AAGAB: variants seen among roughly 807,000 people sequenced by gnomAD.
AAGAB encodes the protein alpha- and gamma-adaptin-binding protein p34.
A neutral mutation model predicts 44.1 loss-of-function variants in AAGAB; 38 were observed. The observed-to-expected ratio is 0.86, with a 90% CI of 0.67 to 1.13. The LOEUF (loss-of-function observed/expected upper bound fraction) is 1.13, where lower values mean the gene tolerates loss of function less well. AAGAB is among the 50% of genes most tolerant of loss of function. The probability of loss-of-function intolerance (pLI) is 0.00; values close to 1 mark genes in which losing one functional copy is unlikely to be tolerated. For synonymous variants in AAGAB, 131 were observed against 131.8 expected, an observed-to-expected ratio of 0.99 and a Z score of 0.04; for missense variants, 450 against 373.8, an observed-to-expected ratio of 1.20 and a Z score of -1.68.
Position 67,206,556 on chromosome 15 carries a change from AAGG to A in AAGAB, c.715+2003_715+2005del, listed in dbSNP as rs1889739399. Among the ~76,000 whole-genome samples the A allele has an allele frequency of 1.3e-5, 2 of 152,106 alleles. 1 individual carries two copies. On this transcript the variant is annotated intron_variant, in intron 7 of 9. Transcript: ENST00000261880. ...TATTTATTACTTGGGATTCTTCTGGAAGGAGATGCTGTCCTTTCTTTCTCATTT... is the reference window on the plus strand; with the variant it reads ...TATTTATTACTTGGGATTCTTCTGGAAGATGCTGTCCTTTCTTTCTCATTT...
At chr15:67,236,575 AAAG>A in intron 2 of AAGAB, 52 bp downstream of exon 2, 1 of 1,602,382 alleles carries the variant, frequency 6.2e-7, no homozygotes, top group Non-Finnish European at 8.5e-7. Flanking sequence ...AATGGGAAAA[AAAG>A]AAGGCATGCA....
Position 67,239,599 on chromosome 15 carries a change from AT to A in AAGAB, c.74-2780del, listed in dbSNP as rs762549889. On this transcript the variant is annotated intron_variant, in intron 1 of 9. Transcript: ENST00000261880. ...GTTGATAGCTCAATTTACTTATCAG[AT>A]TTTTTTTTAACATTTTATGTCTAAT... Among the ~76,000 whole-genome samples, 631 of 151,606 alleles carry A rather than the reference AT, an allele frequency of 4.2e-3. 9 individuals carry two copies. The highest frequency in any genetic ancestry group is 0.013 in the East Asian group (65 of 5,166).
chr15:67,204,213 C>A, intron 7 of AAGAB, 65 bp from the exon 8 acceptor site: 1 of 1,158,428 alleles, frequency 8.6e-7, no homozygotes, highest in Admixed American at 2.0e-5. Context: ...TCAGAGAATC[C>A]TAAGGCAAAT....
intron 5 of AAGAB, among the ~76,000 whole-genome samples, chr15:67,224,792 A>G (rs936480808): frequency 2.6e-5 from 4 of 151,722 alleles, no homozygotes; most frequent in Non-Finnish European, 5.9e-5. Context: ...TGTTGGCCAG[A>G]CTGGTCTCAA....
rs761431289 is a variant in AAGAB, at chr15:67,249,254, C to T, written c.73+5305G>A. Among the ~76,000 whole-genome samples, 7 of 152,072 alleles carry T rather than the reference C, an allele frequency of 4.6e-5. No homozygotes were observed. In the East Asian group the frequency reaches 7.7e-4, roughly 17 times the overall value. ...TTCACTATGTTGGCCAGGCTGCTCTCGAACTCCTGACCTCAGGTGATCAGC... is the reference window on the plus strand; with the variant it reads ...TTCACTATGTTGGCCAGGCTGCTCTTGAACTCCTGACCTCAGGTGATCAGC... On this transcript the variant is annotated intron_variant, in intron 1 of 9. Coordinates refer to ENST00000261880, the MANE Select transcript of AAGAB (RefSeq NM_024666.5).
At chr15:67,222,240 G>GCGCGCACACACACA (rs1555417867) in intron 5 of AAGAB, among the ~76,000 whole-genome samples, 1 of 88,194 alleles carries the variant, frequency 1.1e-5, no homozygotes, top group South Asian at 4.6e-4. Context: ...ACGCGCGCGC[G>GCGCGCACACACACA]CGCACACACA....
Position 67,209,466 on chromosome 15 carries a change from G to A in AAGAB, c.614C>T (p.Pro205Leu), listed in dbSNP as rs752636792. The A allele has an allele frequency of 8.1e-6, 13 of 1,613,654 alleles. No homozygotes were observed. The highest frequency in any genetic ancestry group is 6.8e-6 in the Non-Finnish European group (8 of 1,179,610). ...HSIGSADPCH[P>L]EQPHLPAADS... is the part of the protein sequence containing the mutation. ...AGATCCAAGAAAAACCTTTACCTCT[G>A]GGTGACAGGGATCTGCTGACCCAAT... is the stretch of plus-strand genomic sequence containing the variant. The change falls in exon 6 of 10, where the codon CCA becomes CTA. Residue 205 changes from proline to leucine, a missense_variant. Pro to Leu is a moderately conservative substitution (Grantham distance 98, BLOSUM62 -3). Coordinates refer to ENST00000261880, the MANE Select transcript of AAGAB (RefSeq NM_024666.5).
chr15:67,228,443 T>G (rs1293288585), intron 5 of AAGAB, among the ~76,000 whole-genome samples: 1 of 152,204 alleles, frequency 6.6e-6, no homozygotes, highest in Non-Finnish European at 1.5e-5. Context: ...AATCTCCTTA[T>G]TGTGGCTATG....
chr15:67,204,091 TCTC>T lies in AAGAB; in HGVS notation c.770_772del (p.Gly257del), dbSNP rs760748779. On this transcript the variant is annotated inframe_deletion, in exon 8 of 10. Coordinates refer to ENST00000261880, the MANE Select transcript of AAGAB (RefSeq NM_024666.5). ...AAAGAGTCTTTCAAAATTCTCCACA[TCTC>T]CTCCTCCAGTGGTAAGACTGGCTAA... 1.2e-6 allele frequency: 2 copies of T among 1,612,638 alleles called. No individual in the cohort carries two copies. The highest frequency in any genetic ancestry group is 1.7e-6 in the Non-Finnish European group (2 of 1,178,834).
intron 8 of AAGAB, 104 bp downstream of exon 8, chr15:67,203,940 C>G (rs1963626321): frequency 1.3e-6 from 1 of 745,526 alleles, no homozygotes; most frequent in Non-Finnish European, 2.2e-6. Flanking sequence ...ACAGCTGAGA[C>G]CAGAACAAGG....
intron 4 of AAGAB, chr15:67,232,540 A>G (rs766319552): frequency 4.4e-5 from 17 of 388,646 alleles, no homozygotes; most frequent in Non-Finnish European, 7.2e-5. Flanking sequence ...CACCCCGGGA[A>G]GGCAACACTA....
At chr15:67,240,958 G>A (rs1157463606) in intron 1 of AAGAB, among the ~76,000 whole-genome samples, 3 of 151,648 alleles carry the variant, frequency 2.0e-5, no homozygotes, top group Non-Finnish European at 4.4e-5. Context: ...ATCAATAACA[G>A]GTGATACTCT....
intron 5 of AAGAB, chr15:67,220,439 G>A (rs1964041016): frequency 6.6e-6 from 1 of 152,182 alleles, no homozygotes; most frequent in African/African-American, 2.4e-5. Context: ...ACATATAACA[G>A]TCTTAATCAG....
rs1963630467 is a variant in AAGAB, at chr15:67,204,087, C to T, written c.777G>A (p.Val259=). Residue 259 remains valine (V), a synonymous_variant, in exon 8 of 10, where the codon GTG becomes GTA. Transcript: ENST00000261880. ...LASLTTGGGD[V]ENFERLFSKL... is the part of the protein sequence containing the mutation. ...TTGAAAAGAGTCTTTCAAAATTCTC[C>T]ACATCTCCTCCTCCAGTGGTAAGAC... The T allele has an allele frequency of 6.2e-7, 1 of 1,612,530 alleles. No individual in the cohort carries two copies. Among genetic ancestry groups the T allele is most frequent in the Non-Finnish European group, 8.5e-7 (1 of 1,178,750 alleles).
At chr15:67,247,615 CCCT>C in intron 1 of AAGAB, among the ~76,000 whole-genome samples, 1 of 152,172 alleles carries the variant, frequency 6.6e-6, no homozygotes, top group South Asian at 2.1e-4. Context: ...CTCCGCCACC[CCCT>C]CATTTACGGT....
At chr15:67,222,242 G>GCGCACACACACACACACACACA (rs1367738219) in intron 5 of AAGAB, among the ~76,000 whole-genome samples, 48 of 90,128 alleles carry the variant, frequency 5.3e-4, no homozygotes, top group African/African-American at 1.3e-3. Flanking sequence ...GCGCGCGCGC[G>GCGCACACACACACACACACACA]CACACACACA....
chr15:67,247,835 T>C (rs1964765195), intron 1 of AAGAB, among the ~76,000 whole-genome samples: 1 of 152,216 alleles, frequency 6.6e-6, no homozygotes, highest in East Asian at 1.9e-4. Context: ...AATAAACTAA[T>C]TGTAAACTGA....
chr15:67,215,793 G>A (rs1264759440), intron 5 of AAGAB, among the ~76,000 whole-genome samples: 1 of 152,096 alleles, frequency 6.6e-6, no homozygotes, highest in Non-Finnish European at 1.5e-5. Context: ...CCACTTCTTG[G>A]CAAACTGAAA....
At chr15:67,224,049 T>C (rs1291732085) in intron 5 of AAGAB, among the ~76,000 whole-genome samples, 3 of 152,218 alleles carry the variant, frequency 2.0e-5, no homozygotes, top group African/African-American at 7.2e-5. Flanking sequence ...TGCTTTATTA[T>C]TTTCCCAAAT....
Sources: gnomAD v4.1 joint callset for allele counts (sites outside exome capture counted in the v4.1 genomes callset) on GRCh38, gnomAD v4.1.1 for gene constraint, MANE v1.5 for transcripts, NCBI Gene and HGNC (gene_info 2026-07-23, HGNC 2026-07-21) for gene names.